The following PCDH11Y variants were observed in gnomAD, a reference collection of about 807,000 sequenced individuals.
The protein encoded by PCDH11Y is protocadherin-11 Y-linked.
For synonymous variants in PCDH11Y, 9 were observed against 83.6 expected (o/e 0.11, Z 4.87); for missense variants, 12 against 224.8 (o/e 0.05, Z 6.05).
intron 4 of PCDH11Y, among the ~76,000 whole-genome samples, chrY:5,666,921 T>C (rs2053545182): frequency 3.2e-5 from 1 of 31,548 alleles, no homozygotes; most frequent in Non-Finnish European, 7.6e-5. Context: ...TACATTTTTT[T>C]CTAATGGGCT....
Position 5,099,120 on chromosome Y carries a change from C to A in PCDH11Y, c.1542C>A (p.Gly514=), listed in dbSNP as rs1191396363. Reference sequence around the variant, plus strand: ...CTATTCCTGAGAATAACTCTCCTGGCATCCAGTTGATGAAAGTAAGTGCAA... The same window carrying A: ...CTATTCCTGAGAATAACTCTCCTGGAATCCAGTTGATGAAAGTAAGTGCAA... The change falls in exon 2 of 2, where the codon GGC becomes GGA. Residue 514 remains glycine (G), a synonymous_variant. Transcript: ENST00000215473. The A allele has an allele frequency of 7.6e-6, 3 of 396,095 alleles. No homozygotes were observed. In the African/African-American group the frequency reaches 2.0e-4, roughly 26 times the overall value.
At chrY:5,107,820 G>A, downstream of PCDH11Y, among the ~76,000 whole-genome samples, 2 of 33,205 alleles carry the variant, frequency 6.0e-5, no homozygotes, top group African/African-American at 2.3e-4. Context: ...AGCACTTTGG[G>A]AGGCCGAGGC....
At chrY:5,407,778 G>GTA (rs2053241045) in intron 2 of PCDH11Y, among the ~76,000 whole-genome samples, 1 of 31,263 alleles carries the variant, frequency 3.2e-5, no homozygotes, top group Non-Finnish European at 7.8e-5. Context: ...TAGCTGGCGT[G>GTA]GTGGCGGGCG....
intron 2 of PCDH11Y, among the ~76,000 whole-genome samples, chrY:5,375,337 A>G: frequency 3.2e-5 from 1 of 31,068 alleles, no homozygotes; most frequent in African/African-American, 1.3e-4. Flanking sequence ...CAAGCATCTC[A>G]TGGTTATTTT....
intron 2 of PCDH11Y, among the ~76,000 whole-genome samples, chrY:5,178,628 C>A (rs2124646577): frequency 3.1e-5 from 1 of 31,904 alleles, no homozygotes; most frequent in East Asian, 8.4e-4. Context: ...TTTTCTTCAA[C>A]TTTATTTTAA....
At chrY:5,190,931 A>G in intron 2 of PCDH11Y, among the ~76,000 whole-genome samples, 1 of 33,026 alleles carries the variant, frequency 3.0e-5, no homozygotes, top group Non-Finnish European at 7.4e-5. Flanking sequence ...CCCAAAAACA[A>G]CTGTCTGTGG....
chrY:5,154,502 A>G (rs2052867311), intron 2 of PCDH11Y, among the ~76,000 whole-genome samples: 1 of 33,055 alleles, frequency 3.0e-5, no homozygotes, highest in Non-Finnish European at 7.5e-5. Flanking sequence ...AGCACCTGTA[A>G]TCTTAGAGGG....
intron 3 of PCDH11Y, among the ~76,000 whole-genome samples, chrY:5,039,332 G>A (rs2124622651): frequency 3.0e-5 from 1 of 33,163 alleles, no homozygotes; most frequent in East Asian, 8.0e-4. Flanking sequence ...TTCCAGGGTT[G>A]TCAGGTTATA....
intron 2 of PCDH11Y, among the ~76,000 whole-genome samples, chrY:5,420,125 A>C: frequency 6.5e-5 from 2 of 30,740 alleles, no homozygotes; most frequent in Non-Finnish European, 1.6e-4. Context: ...CCAGAGCAAA[A>C]TTTAACTAAC....
chrY:5,690,855 GT>G (rs2124710746), intron 4 of PCDH11Y, among the ~76,000 whole-genome samples: 1 of 29,477 alleles, frequency 3.4e-5, no homozygotes, highest in South Asian at 7.9e-4. Flanking sequence ...AAGAAAAGTG[GT>G]GCTGTATATG....
At chrY:5,082,352 G>A in intron 1 of PCDH11Y, among the ~76,000 whole-genome samples, 2 of 32,419 alleles carry the variant, frequency 6.2e-5, no homozygotes, top group African/African-American at 1.2e-4. Flanking sequence ...TATTTTTTTC[G>A]TTGCATCTCT....
chrY:5,228,048 C>G, intron 2 of PCDH11Y, among the ~76,000 whole-genome samples: 1 of 30,208 alleles, frequency 3.3e-5, no homozygotes. Flanking sequence ...CATGGGGTCC[C>G]AGGCTTTTTT....
intron 4 of PCDH11Y, among the ~76,000 whole-genome samples, chrY:5,603,065 C>T (rs2053474237): frequency 1.6e-3 from 44 of 27,217 alleles, no homozygotes; most frequent in Non-Finnish European, 3.3e-3. Flanking sequence ...ACAACAATAA[C>T]GACATAATAG....
chrY:5,041,712 T>G, intron 3 of PCDH11Y, among the ~76,000 whole-genome samples: 1 of 32,547 alleles, frequency 3.1e-5, no homozygotes, highest in Admixed American at 2.8e-4. Context: ...TGAACTAGTT[T>G]ACAGTCCCAC....
At chrY:5,234,643 CCTT>C (rs2052972726) in intron 2 of PCDH11Y, among the ~76,000 whole-genome samples, 2 of 32,446 alleles carry the variant, frequency 6.2e-5, no homozygotes, top group East Asian at 1.6e-3. Context: ...TTTAACAAAT[CCTT>C]TGATTATATA....
intron 2 of PCDH11Y, among the ~76,000 whole-genome samples, chrY:5,491,152 G>C: frequency 3.0e-5 from 1 of 33,314 alleles, no homozygotes; most frequent in Non-Finnish European, 7.5e-5. Flanking sequence ...CTTCTGCTCA[G>C]AAAAGGGCAT....
chrY:5,224,773 A>G, intron 2 of PCDH11Y, among the ~76,000 whole-genome samples: 1 of 33,534 alleles, frequency 3.0e-5, no homozygotes, highest in African/African-American at 1.2e-4. Flanking sequence ...ACCACATTTG[A>G]GTCCAAATCT....
intron 2 of PCDH11Y, among the ~76,000 whole-genome samples, chrY:5,406,813 T>A (rs2573956): frequency 6.0e-5 from 2 of 33,452 alleles, no homozygotes; most frequent in Non-Finnish European, 1.5e-4. Flanking sequence ...GGTGATTTTT[T>A]AAAATGCCTC....
chrY:5,237,874 A>G (rs2052978101), intron 2 of PCDH11Y, among the ~76,000 whole-genome samples: 1 of 32,834 alleles, frequency 3.0e-5, no homozygotes, highest in Non-Finnish European at 7.5e-5. Flanking sequence ...AGGGATGTGA[A>G]GGACCTCTTC....
Sources: allele counts gnomAD v4.1 joint callset (sites outside exome capture counted in the v4.1 genomes callset), GRCh38; gene constraint gnomAD v4.1.1; transcripts MANE v1.5; gene names NCBI Gene and HGNC (gene_info 2026-07-23, HGNC 2026-07-21).